The following XKRX variants were observed in gnomAD, a reference collection of about 807,000 sequenced individuals.
XKRX encodes the protein XK related X-linked.
In XKRX, 11 loss-of-function variants were observed where a neutral mutation model predicts 22.4. The observed-to-expected ratio is 0.49, with a 90% confidence interval of 0.31 to 0.81. XKRX has a LOEUF of 0.81. Ranked by LOEUF, XKRX falls within the 40% of genes least tolerant of loss-of-function variation. XKRX has a pLI of 0.05. For synonymous variants in XKRX, 114 were observed against 132.2 expected, an observed-to-expected ratio of 0.86 and a Z score of 0.94; for missense variants, 320 against 336.5, an observed-to-expected ratio of 0.95 and a Z score of 0.38.
At chrX:100,918,686 T>C (rs2085457202) in intron 2 of XKRX, among the ~76,000 whole-genome samples, 1 of 111,688 alleles carries the variant, frequency 9.0e-6, no homozygotes, top group South Asian at 3.8e-4. Context: ...TCTCATAGGG[T>C]TGTGGTAAAG....
At chrX:100,908,106 A>AGTGT in the XKRX span, among the ~76,000 whole-genome samples, 100 of 86,982 alleles carry the variant, frequency 1.1e-3, no homozygotes, top group East Asian at 0.012. Context: ...TCATGCATGG[A>AGTGT]GTGTGTGTGT....
intron 2 of XKRX, 145 bp from the exon 3 acceptor site, chrX:100,915,228 A>ATTTGTTTACATAGC: frequency 1.6e-6 from 1 of 623,494 alleles, no homozygotes; most frequent in Non-Finnish European, 2.4e-6. Flanking sequence ...GATCACAGCT[A>ATTTGTTTACATAGC]TGTAAACAAA....
chrX:100,912,852 C>T (rs2085411470), downstream of XKRX, among the ~76,000 whole-genome samples: 1 of 111,650 alleles, frequency 9.0e-6, no homozygotes, highest in Non-Finnish European at 1.9e-5. Context: ...CATTCGTCCA[C>T]TGGGGGTATA....
intron 2 of XKRX, among the ~76,000 whole-genome samples, chrX:100,921,063 G>C (rs973631784): frequency 9.0e-6 from 1 of 111,645 alleles, no homozygotes; most frequent in East Asian, 2.8e-4. Context: ...CACCATACCC[G>C]GCTAATTTTT....
chrX:100,913,128 G>A (rs2147936307), downstream of XKRX, among the ~76,000 whole-genome samples: 1 of 108,545 alleles, frequency 9.2e-6, no homozygotes, highest in African/African-American at 3.4e-5. Context: ...AACCCAGGAG[G>A]CAGAGGCTGC....
chrX:100,933,353 A>G (rs1469976765), upstream of XKRX, among the ~76,000 whole-genome samples: 4 of 108,699 alleles, frequency 3.7e-5, no homozygotes, highest in African/African-American at 1.3e-4. Flanking sequence ...GTGGTGGCAC[A>G]CATCTGTAAT....
At chrX:100,888,935 C>T in the XKRX span, among the ~76,000 whole-genome samples, 1 of 110,697 alleles carries the variant, frequency 9.0e-6, no homozygotes, top group East Asian at 2.8e-4. Flanking sequence ...TAGAATATGA[C>T]CTTATTTGAA....
chrX:100,910,473 T>C (rs2085403009), downstream of XKRX, among the ~76,000 whole-genome samples: 3 of 108,927 alleles, frequency 2.8e-5, no homozygotes, highest in Non-Finnish European at 5.7e-5. Context: ...TAATCCCAGC[T>C]ACTTGGGAGG....
At chrX:100,900,873 T>G in the XKRX span, among the ~76,000 whole-genome samples, 2 of 103,313 alleles carry the variant, frequency 1.9e-5, no homozygotes, top group Non-Finnish European at 3.9e-5. Context: ...CACTGCAAGC[T>G]CTGCCTCCCG....
At chrX:100,925,409 C>T (rs144084039) in intron 1 of XKRX, among the ~76,000 whole-genome samples, 6 of 112,090 alleles carry the variant, frequency 5.4e-5, no homozygotes, top group East Asian at 2.8e-4. Context: ...TGAAAATAAG[C>T]GAATCCAGAG....
chrX:100,950,242 T>G, the XKRX span, among the ~76,000 whole-genome samples: 1 of 111,977 alleles, frequency 8.9e-6, no homozygotes, highest in Non-Finnish European at 1.9e-5. Context: ...AAGGTTAAAA[T>G]GTTGACAGTA....
chrX:100,924,647 A>C (rs2147943095), intron 1 of XKRX, among the ~76,000 whole-genome samples: 1 of 112,332 alleles, frequency 8.9e-6, no homozygotes, highest in Admixed American at 9.5e-5. Context: ...AGTGGACATT[A>C]ACACGTCTTG....
the XKRX span, among the ~76,000 whole-genome samples, chrX:100,903,870 A>G: frequency 8.9e-6 from 1 of 112,324 alleles, no homozygotes; most frequent in Non-Finnish European, 1.9e-5. Flanking sequence ...GTCCATGTTC[A>G]TGGATAAGAA....
At chrX:100,944,405 C>G in the XKRX span, among the ~76,000 whole-genome samples, 4 of 111,923 alleles carry the variant, frequency 3.6e-5, no homozygotes, top group Admixed American at 1.9e-4. Flanking sequence ...TCTTGTCACC[C>G]AGGCTGGAGT....
chrX:100,914,774 C>T lies in XKRX; in HGVS notation c.914G>A (p.Arg305Gln), dbSNP rs149918459. ...MPNNIEKNFS[R>Q]VGTLVVLISV... ...AATCAGGACCACCAGAGTGCCGACC[C>T]GGCTGAAGTTTTTCTCAATGTTATT... Residue 305 changes from arginine (R) to glutamine (Q), a missense_variant, in exon 3 of 3, where the codon CGG becomes CAG. Arg to Gln is a conservative substitution (Grantham distance 43, BLOSUM62 1). Coordinates refer to ENST00000372956, the MANE Select transcript of XKRX (RefSeq NM_212559.3). 143 of 1,209,668 alleles carry T rather than the reference C, an allele frequency of 1.2e-4. No individual in the cohort carries two copies. The highest frequency in any genetic ancestry group is 9.5e-4 in the East Asian group (32 of 33,743).
chrX:100,922,103 G>T (rs934428795), intron 2 of XKRX, among the ~76,000 whole-genome samples: 1 of 110,404 alleles, frequency 9.1e-6, no homozygotes, highest in Non-Finnish European at 1.9e-5. Flanking sequence ...AAAGTGCTGG[G>T]ATTACAGGCT....
the XKRX span, among the ~76,000 whole-genome samples, chrX:100,937,728 T>C: frequency 8.9e-6 from 1 of 112,309 alleles, no homozygotes; most frequent in Non-Finnish European, 1.9e-5. Flanking sequence ...AGGCTCTTGA[T>C]TTCCTTGGGC....
the XKRX span, among the ~76,000 whole-genome samples, chrX:100,891,731 T>C: frequency 2.8e-5 from 1 of 35,688 alleles, no homozygotes; most frequent in Non-Finnish European, 4.8e-5. Flanking sequence ...TCTCTATTCA[T>C]AAAAAAGGGA....
chrX:100,927,925 G>A, intron 1 of XKRX, 45 bp downstream of exon 1: 1 of 1,144,722 alleles, frequency 8.7e-7, no homozygotes, highest in African/African-American at 1.8e-5. Context: ...GCCCAAGTCT[G>A]GGGTGGGGTT....
Sources: allele counts gnomAD v4.1 joint callset (sites outside exome capture counted in the v4.1 genomes callset), GRCh38; gene constraint gnomAD v4.1.1; transcripts MANE v1.5; gene names NCBI Gene and HGNC (gene_info 2026-07-23, HGNC 2026-07-21).